Variants in ATP9A observed in about 807,000 individuals in gnomAD.
The protein encoded by ATP9A is probable phospholipid-transporting ATPase IIA.
Under a neutral mutation model 144.1 loss-of-function variants are expected in ATP9A, and 52 were observed. That is an observed-to-expected ratio of 0.36 (90% CI 0.29 to 0.45). The LOEUF is 0.45. ATP9A is among the 20% of genes least tolerant of loss of function. The pLI, the probability that ATP9A is intolerant of heterozygous loss-of-function variation, is 1.00. For missense variants in ATP9A, 947 were observed against 1,392.7 expected (o/e 0.68, Z 5.09); for synonymous variants, 582 against 557.4 (o/e 1.04, Z -0.62).
chr20:51,686,822 C>A (rs2077525064), intron 9 of ATP9A, among the ~76,000 whole-genome samples: 1 of 152,030 alleles, frequency 6.6e-6, no homozygotes, highest in South Asian at 2.1e-4. Flanking sequence ...GTAATCCCAG[C>A]TACTGGAGAG....
In ATP9A at chr20:51,697,317, T is replaced by G. The variant is rs2077574731; in HGVS notation, c.495+107A>C. On this transcript the variant is annotated intron_variant, in intron 5 of 27. Transcript: ENST00000338821. ...GATTTTTCTCCCCAGGCAAAGTTTT[T>G]GGATAGAATCCCAAAATTCAACATT... is the stretch of plus-strand genomic sequence containing the variant. 7.4e-6 allele frequency: 8 copies of G among 1,086,694 alleles called. No homozygotes were observed. The South Asian group carries it at 1.1e-4, about 14-fold the overall frequency. 67.3% of individuals were successfully genotyped at this position (1,086,694 alleles called of 1,614,324 possible).
intron 4 of ATP9A, among the ~76,000 whole-genome samples, chr20:51,711,852 ATTTTTTT>A (rs11469394): frequency 0.11 from 12,853 of 120,982 alleles, 678 homozygotes; most frequent in South Asian, 0.2. Flanking sequence ...TTCAATTTCA[ATTTTTTT>A]TTTTTTTTTT....
intron 14 of ATP9A, among the ~76,000 whole-genome samples, chr20:51,649,502 C>T (rs1374982273): frequency 6.6e-6 from 1 of 152,218 alleles, no homozygotes; most frequent in Non-Finnish European, 1.5e-5. Context: ...TTTCTCACTG[C>T]CGTCAGTACC....
At chr20:51,688,712 T>C (rs1013804104) in intron 9 of ATP9A, among the ~76,000 whole-genome samples, 14 of 152,166 alleles carry the variant, frequency 9.2e-5, no homozygotes, top group Non-Finnish European at 1.8e-4. Flanking sequence ...AGGGCCCCAG[T>C]GCTGGCAGTC....
At chr20:51,761,572 T>G (rs1215752530) in intron 1 of ATP9A, among the ~76,000 whole-genome samples, 24 of 151,892 alleles carry the variant, frequency 1.6e-4, no homozygotes, top group Non-Finnish European at 1.5e-5. Flanking sequence ...CCATCCTGGC[T>G]AACACGGTGA....
At chr20:51,761,407 G>C (rs998753894) in intron 1 of ATP9A, among the ~76,000 whole-genome samples, 1 of 152,254 alleles carries the variant, frequency 6.6e-6, no homozygotes, top group Non-Finnish European at 1.5e-5. Flanking sequence ...ACGACAATCC[G>C]TTCCCAGGGT....
At position 51,657,055 on chromosome 20, in the gene ATP9A, G is replaced by A. The variant is rs144683002; in HGVS notation, c.1389C>T (p.Ile463=). The change falls in exon 14 of 28, where the codon ATC becomes ATT. Residue 463 remains isoleucine, a synonymous_variant. Coordinates refer to ENST00000338821, the MANE Select transcript of ATP9A (RefSeq NM_006045.3). ...CGGGAGTCACGTTGTGGCAGAGCGCGATGGCCTTCACGGCTTCGTGCACGC... is the reference window on the plus strand; with the variant it reads ...CGGGAGTCACGTTGTGGCAGAGCGCAATGGCCTTCACGGCTTCGTGCACGC... ...SSRVHEAVKA[I]ALCHNVTPVY... is the part of the protein sequence containing the mutation. 1,362 of 1,614,220 alleles carry A rather than the reference G, an allele frequency of 8.4e-4. 2 individuals are homozygous for A. The highest frequency in any genetic ancestry group is 1.0e-3 in the Non-Finnish European group (1,226 of 1,180,044).
intron 1 of ATP9A, among the ~76,000 whole-genome samples, chr20:51,743,819 C>T (rs2077795906): frequency 2.0e-5 from 3 of 150,996 alleles, no homozygotes; most frequent in Admixed American, 2.0e-4. Flanking sequence ...CCATCCTGGC[C>T]AACATGGTGA....
rs756422479 is a variant in ATP9A at position 51,725,955 on chromosome 20, A to T, written c.214-23T>A. 6.6e-6 allele frequency: 9 copies of T among 1,369,606 alleles called. No individual in the cohort carries two copies. In the South Asian group the frequency reaches 1.0e-4, roughly 16 times the overall value. The allele number at this position is 1,369,606 out of a possible 1,614,324, so 84.8% of individuals were successfully genotyped here. On this transcript the variant is annotated intron_variant, in intron 2 of 27. Transcript: ENST00000338821. ...CACCTGGAATGGAGGGAGACAACAG[A>T]GAAAGACATTCAGGGCTTGTCTGAT...
intron 14 of ATP9A, among the ~76,000 whole-genome samples, chr20:51,655,434 C>T (rs2077382980): frequency 6.6e-6 from 1 of 152,004 alleles, no homozygotes; most frequent in African/African-American, 2.4e-5. Context: ...ACCTCAACAA[C>T]AAAAAGAAAA....
Position 51,607,555 on chromosome 20 carries a change from T to C in ATP9A, c.2775A>G (p.Leu925=). 1.2e-6 allele frequency: 2 copies of C among 1,613,398 alleles called. No homozygotes were observed. Among genetic ancestry groups the C allele is most frequent in the Non-Finnish European group, 8.5e-7 (1 of 1,179,506 alleles). Residue 925 remains leucine, a synonymous_variant, in exon 26 of 28, where the codon TTA becomes TTG. Transcript: ENST00000338821. ...GATAGATGCTAATCAAAACCCATAT[T>C]AAGAATGTCTTGTAGGACAACGGCC... ...KGRPLSYKTF[L]IWVLISIYQG... is the part of the protein sequence containing the mutation.
intron 27 of ATP9A, among the ~76,000 whole-genome samples, chr20:51,602,719 C>T (rs965206136): frequency 1.3e-5 from 2 of 152,192 alleles, no homozygotes; most frequent in East Asian, 3.8e-4. Flanking sequence ...GCAAAAGAGC[C>T]GCGATCAAAG....
chr20:51,740,971 A>G (rs1035317220), intron 1 of ATP9A, among the ~76,000 whole-genome samples: 3 of 151,784 alleles, frequency 2.0e-5, no homozygotes, highest in African/African-American at 7.3e-5. Flanking sequence ...TGTGCTGTCC[A>G]CCTTGGCGGC....
intron 15 of ATP9A, among the ~76,000 whole-genome samples, chr20:51,634,701 C>T (rs919234599): frequency 1.3e-5 from 2 of 151,798 alleles, no homozygotes; most frequent in African/African-American, 4.8e-5. Context: ...ACTAAAAATA[C>T]GAAATTAGCC....
rs149206644 is a variant in ATP9A, at chr20:51,694,505, T to TG, written c.548-404dup. On this transcript the variant is annotated intron_variant, in intron 6 of 27. Coordinates refer to ENST00000338821, the MANE Select transcript of ATP9A (RefSeq NM_006045.3). ...CTTCTCAGGACCCAAACCACCTGAG[T>TG]GCAGGTCCAGGCTCTGCCACGTAAT... Among the ~76,000 whole-genome samples, 1,399 of 152,284 alleles carry TG rather than the reference T, an allele frequency of 9.2e-3. 20 individuals are homozygous for TG. The highest frequency in any genetic ancestry group is 0.032 in the African/African-American group (1,313 of 41,554).
At chr20:51,750,135 G>A (rs2077825166) in intron 1 of ATP9A, among the ~76,000 whole-genome samples, 1 of 152,086 alleles carries the variant, frequency 6.6e-6, no homozygotes, top group Non-Finnish European at 1.5e-5. Flanking sequence ...CAGCCTGGGT[G>A]ACAAAGCAAG....
intron 4 of ATP9A, among the ~76,000 whole-genome samples, chr20:51,703,173 C>T (rs889101233): frequency 4.6e-5 from 7 of 152,074 alleles, no homozygotes; most frequent in African/African-American, 1.7e-4. Context: ...ACAACCCCAC[C>T]TCCCACCACA....
chr20:51,726,889 C>CTTTTT (rs55719132), intron 2 of ATP9A, among the ~76,000 whole-genome samples: 7 of 93,982 alleles, frequency 7.4e-5, no homozygotes, highest in Non-Finnish European at 1.2e-4. Context: ...TGTGTTATTT[C>CTTTTT]TTTTTTTTTT....
intron 1 of ATP9A, among the ~76,000 whole-genome samples, chr20:51,744,762 T>C (rs1483921103): frequency 6.6e-6 from 1 of 152,162 alleles, no homozygotes; most frequent in East Asian, 1.9e-4. Context: ...ACACCAACCT[T>C]CCAGGAAGTT....
Sources: allele counts gnomAD v4.1 joint callset (sites outside exome capture counted in the v4.1 genomes callset), GRCh38; gene constraint gnomAD v4.1.1; transcripts MANE v1.5; gene names NCBI Gene and HGNC (gene_info 2026-07-23, HGNC 2026-07-21).